Variants in ERO1B observed in about 807,000 individuals in gnomAD.
The protein encoded by ERO1B is endoplasmic reticulum oxidoreductase 1 beta.
Under a neutral mutation model 75.3 loss-of-function variants are expected in ERO1B, and 49 were observed. The observed-to-expected ratio is 0.65, with a 90% confidence interval of 0.52 to 0.83. The LOEUF (loss-of-function observed/expected upper bound fraction) is 0.83. Ranked by LOEUF, ERO1B falls within the 40% of genes least tolerant of loss-of-function variation. The probability of loss-of-function intolerance (pLI) is 0.00; values close to 1 mark genes in which losing one functional copy is unlikely to be tolerated. For missense variants in ERO1B, 512 were observed against 560.1 expected (o/e 0.91, Z 0.87); for synonymous variants, 191 against 192.9 (o/e 0.99, Z 0.08).
In ERO1B at chr1:236,221,047, G is replaced by A. The variant is rs969187166; in HGVS notation, c.1210-82C>T. ...AGGCTTAAAGGAATATATAGCCACTGTTATGCCAGTTAGGAAATTCATATG... is the reference window on the plus strand; with the variant it reads ...AGGCTTAAAGGAATATATAGCCACTATTATGCCAGTTAGGAAATTCATATG... On this transcript the variant is annotated intron_variant, in intron 14 of 15. Coordinates refer to ENST00000354619, the MANE Select transcript of ERO1B (RefSeq NM_019891.4). The A allele has an allele frequency of 4.9e-6, 5 of 1,028,370 alleles. No individual in the cohort carries two copies. The African/African-American group carries it at 5.0e-5, about 10-fold the overall frequency. 63.7% of individuals were successfully genotyped at this position (1,028,370 alleles called of 1,614,324 possible).
At chr1:236,268,754 C>T (rs1184890589) in intron 2 of ERO1B, among the ~76,000 whole-genome samples, 3 of 151,020 alleles carry the variant, frequency 2.0e-5, no homozygotes, top group Non-Finnish European at 4.4e-5. Flanking sequence ...TGCGTGGTGG[C>T]AGGTGCCTGT....
chr1:236,240,216 A>AT (rs1443385459), intron 6 of ERO1B, among the ~76,000 whole-genome samples: 2 of 151,654 alleles, frequency 1.3e-5, no homozygotes, highest in African/African-American at 2.4e-5. Context: ...TAAGTATACG[A>AT]TTTTTTTCTA....
chr1:236,275,227 T>G (rs902789408), intron 1 of ERO1B, among the ~76,000 whole-genome samples: 1 of 152,124 alleles, frequency 6.6e-6, no homozygotes, highest in Non-Finnish European at 1.5e-5. Flanking sequence ...ACCTACAAAT[T>G]AAGGGCTGAG....
At chr1:236,230,279 CATT>C (rs1343239333) in intron 9 of ERO1B, 29 bp from the exon 10 acceptor site, 1 of 1,548,416 alleles carries the variant, frequency 6.5e-7, no homozygotes, top group Admixed American at 1.7e-5. Context: ...TGGATTAAAA[CATT>C]ATATGGTCAT....
At chr1:236,219,041 T>G (rs961388241) in intron 15 of ERO1B, among the ~76,000 whole-genome samples, 1 of 152,162 alleles carries the variant, frequency 6.6e-6, no homozygotes, top group Non-Finnish European at 1.5e-5. Flanking sequence ...GATTACTGAC[T>G]GACTAAATGA....
rs1039324520 is a variant in ERO1B, at chr1:236,216,246, A to C, written c.*2270T>G. 1 of 152,306 alleles carries C rather than the reference A, an allele frequency of 6.6e-6. No homozygotes were observed. The highest frequency in any genetic ancestry group is 1.9e-4 in the East Asian group (1 of 5,196). 9.4% of individuals were successfully genotyped at this position (152,306 alleles called of 1,614,324 possible). A position where few individuals can be genotyped will look rare whatever the true frequency, so the allele number is the denominator to read the frequency against. On this transcript the variant is annotated 3_prime_UTR_variant, in exon 16 of 16. Transcript: ENST00000354619. Reference sequence around the variant, plus strand: ...TGCTGGGTTTTTAAATTAGGTGATGAGATAAAGACAAAATGCCAGAGCACC... The same window carrying C: ...TGCTGGGTTTTTAAATTAGGTGATGCGATAAAGACAAAATGCCAGAGCACC...
intron 1 of ERO1B, among the ~76,000 whole-genome samples, chr1:236,275,253 C>T (rs1234847776): frequency 6.6e-6 from 1 of 152,186 alleles, no homozygotes; most frequent in Non-Finnish European, 1.5e-5. Flanking sequence ...CAAGATGGCC[C>T]CACTCCTGAC....
At chr1:236,273,797 C>T (rs1207645174) in intron 1 of ERO1B, among the ~76,000 whole-genome samples, 1 of 111,108 alleles carries the variant, frequency 9.0e-6, no homozygotes, top group Admixed American at 1.1e-4. Context: ...AAGAGCGAGA[C>T]CTTGTCTCAA....
intron 2 of ERO1B, among the ~76,000 whole-genome samples, chr1:236,268,641 C>T (rs2102964980): frequency 6.6e-6 from 1 of 152,142 alleles, no homozygotes; most frequent in Non-Finnish European, 1.5e-5. Flanking sequence ...AATCCCAGCA[C>T]TTTGGGAGGC....
At chr1:236,253,078 G>GA (rs1665075065) in intron 3 of ERO1B, among the ~76,000 whole-genome samples, 1 of 146,272 alleles carries the variant, frequency 6.8e-6, no homozygotes. Flanking sequence ...TTTTTATTTT[G>GA]TTTTTTTTTT....
Position 236,272,407 on chromosome 1 carries a change from G to T in ERO1B, c.103-2413C>A, listed in dbSNP as rs114299808. Among the ~76,000 whole-genome samples, 768 of 152,266 alleles carry T rather than the reference G, an allele frequency of 5.0e-3. 11 individuals carry two copies. The highest frequency in any genetic ancestry group is 0.018 in the African/African-American group (741 of 41,546). ...TTAAAAAAATGAAATAATGTCCTTTGCAGCAACATGGATGCAGCTGGAGGC... is the reference window on the plus strand; with the variant it reads ...TTAAAAAAATGAAATAATGTCCTTTTCAGCAACATGGATGCAGCTGGAGGC... On this transcript the variant is annotated intron_variant, in intron 1 of 15. Transcript: ENST00000354619.
intron 2 of ERO1B, among the ~76,000 whole-genome samples, chr1:236,260,620 G>A (rs1413339119): frequency 5.3e-5 from 8 of 150,546 alleles, no homozygotes; most frequent in Non-Finnish European, 1.0e-4. Flanking sequence ...AGCCGAGATC[G>A]CGCCACTGCA....
Position 236,216,827 on chromosome 1 carries a change from A to G in ERO1B, c.*1689T>C, listed in dbSNP as rs565183014. On this transcript the variant is annotated 3_prime_UTR_variant, in exon 16 of 16. Coordinates refer to ENST00000354619, the MANE Select transcript of ERO1B (RefSeq NM_019891.4). ...AATTTACTAGTTAAATTAATTGGAT[A>G]GTCACTTTTTAGACAGTTTGCCTTA... 1 of 152,082 alleles carries G rather than the reference A, an allele frequency of 6.6e-6. No individual in the cohort carries two copies. Among genetic ancestry groups the G allele is most frequent in the East Asian group, 1.9e-4 (1 of 5,160 alleles). 9.4% of individuals were successfully genotyped at this position (152,082 alleles called of 1,614,324 possible). A position where few individuals can be genotyped will look rare whatever the true frequency, so the allele number is the denominator to read the frequency against.
chr1:236,237,143 G>T (rs1317145688), intron 6 of ERO1B, among the ~76,000 whole-genome samples: 3 of 114,870 alleles, frequency 2.6e-5, no homozygotes, highest in Admixed American at 1.2e-4. Context: ...TTTTTGAGAC[G>T]GAGTCTCACT....
At chr1:236,220,206 C>T (rs1413534497) in intron 15 of ERO1B, 9 of 149,894 alleles carry the variant, frequency 6.0e-5, no homozygotes, top group African/African-American at 2.0e-4. Flanking sequence ...TCTCTTTTTC[C>T]CCAAGGAAGC....
At chr1:236,255,901 T>C (rs1726650) in intron 2 of ERO1B, among the ~76,000 whole-genome samples, 37,714 of 152,058 alleles carry the variant, frequency 0.25, 4,864 homozygotes, top group East Asian at 0.38. Flanking sequence ...TAGAAATTCT[T>C]ACCATCTGAG....
chr1:236,230,017 A>G (rs1664363119), intron 10 of ERO1B, among the ~76,000 whole-genome samples: 1 of 152,072 alleles, frequency 6.6e-6, no homozygotes, highest in Non-Finnish European at 1.5e-5. Context: ...TGGCCTGTGT[A>G]TTTATATAAA....
chr1:236,264,961 T>A (rs1413545449), intron 2 of ERO1B, among the ~76,000 whole-genome samples: 1 of 151,918 alleles, frequency 6.6e-6, no homozygotes, highest in East Asian at 1.9e-4. Flanking sequence ...AGGCAATATA[T>A]CCATGTAACA....
chr1:236,239,034 C>A (rs1327556245), intron 6 of ERO1B, among the ~76,000 whole-genome samples: 1 of 152,120 alleles, frequency 6.6e-6, no homozygotes, highest in African/African-American at 2.4e-5. Context: ...AAGCCTCCTG[C>A]CTCAGCCTCC....
Sources: gnomAD v4.1 joint callset for allele counts (sites outside exome capture counted in the v4.1 genomes callset) on GRCh38, gnomAD v4.1.1 for gene constraint, MANE v1.5 for transcripts, NCBI Gene and HGNC (gene_info 2026-07-23, HGNC 2026-07-21) for gene names.